Variants in FHIT observed in about 807,000 individuals in gnomAD.
FHIT encodes bis(5'-adenosyl)-triphosphatase.
Under a neutral mutation model 17.9 loss-of-function variants are expected in FHIT, and 19 were observed. The ratio of observed to expected loss-of-function variants is 1.06; its 90% CI spans 0.74 to 1.56. The LOEUF (loss-of-function observed/expected upper bound fraction) is 1.56, where lower values mean the gene tolerates loss of function less well. Among genes scored for constraint, FHIT ranks in the 40% most tolerant of loss-of-function variants. The pLI is 0.00. For synonymous variants in FHIT, 81 were observed against 69.7 expected (o/e 1.16, Z -0.81); for missense variants, 248 against 189.2 (o/e 1.31, Z -1.82).
intron 5 of FHIT, among the ~76,000 whole-genome samples, chr3:60,421,030 CTTTTTT>C: frequency 7.2e-6 from 1 of 138,348 alleles, no homozygotes; most frequent in South Asian, 2.3e-4. Flanking sequence ...TCTCCCACTA[CTTTTTT>C]TTTTTTTTTT....
At chr3:61,037,459 T>C (rs2033313183) in intron 3 of FHIT, among the ~76,000 whole-genome samples, 1 of 152,234 alleles carries the variant, frequency 6.6e-6, no homozygotes, top group Admixed American at 6.5e-5. Flanking sequence ...AGTGGTTTTC[T>C]TCTTCTGTTA....
chr3:59,939,776 G>A (rs1417750189), intron 7 of FHIT, among the ~76,000 whole-genome samples: 1 of 152,120 alleles, frequency 6.6e-6, no homozygotes, highest in Non-Finnish European at 1.5e-5. Context: ...TAAAATTTGG[G>A]TATCAAGTTT....
intron 8 of FHIT, among the ~76,000 whole-genome samples, chr3:59,801,074 C>G (rs372718599): frequency 3.3e-5 from 5 of 152,284 alleles, no homozygotes; most frequent in African/African-American, 1.2e-4. Context: ...AAACATGATA[C>G]AGAAATTGTA....
intron 5 of FHIT, among the ~76,000 whole-genome samples, chr3:60,453,585 C>T (rs2031890742): frequency 6.6e-6 from 1 of 152,158 alleles, no homozygotes; most frequent in African/African-American, 2.4e-5. Flanking sequence ...TCTATGCCTT[C>T]AGGTTTCACC....
intron 5 of FHIT, among the ~76,000 whole-genome samples, chr3:60,133,706 C>T (rs1041091810): frequency 2.0e-5 from 3 of 151,750 alleles, no homozygotes; most frequent in African/African-American, 7.3e-5. Flanking sequence ...CAGAGCCCTT[C>T]CAATGTTAAC....
chr3:60,417,036 C>G (rs1168583535), intron 5 of FHIT, among the ~76,000 whole-genome samples: 1 of 151,224 alleles, frequency 6.6e-6, no homozygotes, highest in African/African-American at 2.4e-5. Context: ...TTGCAGTGAG[C>G]CGAGATCGCA....
chr3:61,095,232 T>A (rs1374910703), intron 2 of FHIT, among the ~76,000 whole-genome samples: 1 of 152,202 alleles, frequency 6.6e-6, no homozygotes, highest in South Asian at 2.1e-4. Context: ...CTATACAATG[T>A]TGAAAAGTGG....
At chr3:60,199,484 C>T (rs213296) in intron 5 of FHIT, among the ~76,000 whole-genome samples, 144,239 of 152,182 alleles carry the variant, frequency 0.95, 68,407 homozygotes, top group East Asian at 1. Context: ...TGTCATTTAA[C>T]TGTGGGTCCT....
At chr3:60,359,345 A>C (rs1474489151) in intron 5 of FHIT, among the ~76,000 whole-genome samples, 1 of 124,102 alleles carries the variant, frequency 8.1e-6, no homozygotes, top group Non-Finnish European at 1.6e-5. Context: ...CAGTGGTGTG[A>C]TCTTGGCTCA....
intron 2 of FHIT, among the ~76,000 whole-genome samples, chr3:61,138,453 G>A (rs978430794): frequency 6.6e-6 from 1 of 152,184 alleles, no homozygotes; most frequent in African/African-American, 2.4e-5. Flanking sequence ...GATTACAGCT[G>A]GGCCTTTTCA....
At chr3:61,117,878 CTATAA>C (rs993462889) in intron 2 of FHIT, among the ~76,000 whole-genome samples, 21 of 152,150 alleles carry the variant, frequency 1.4e-4, no homozygotes, top group African/African-American at 4.8e-4. Context: ...TGAGAAGATA[CTATAA>C]TATATTTACC....
chr3:60,544,062 CTT>C (rs2036279947), intron 4 of FHIT, among the ~76,000 whole-genome samples: 1 of 151,296 alleles, frequency 6.6e-6, no homozygotes, highest in Non-Finnish European at 1.5e-5. Context: ...CCGGACTTCT[CTT>C]TGTTTTTATA....
rs528803970 is a variant in FHIT, at chr3:61,210,283, T to G, written c.-212-9618A>C. On this transcript the variant is annotated intron_variant, in intron 1 of 9. Coordinates refer to ENST00000492590, the MANE Select transcript of FHIT (RefSeq NM_002012.4). The stretch of plus-strand genomic sequence containing the variant: ...CCCACTTGAGGAGGCAGTCTGCCCA[T>G]TCTCAGATCTCAAGCTGCGTGCTGG... Among the ~76,000 whole-genome samples the G allele has an allele frequency of 2.3e-4, 35 of 152,292 alleles. No homozygotes were observed. In the East Asian group the frequency reaches 3.9e-3, roughly 17 times the overall value.
At chr3:60,398,380 A>G (rs1274895364) in intron 5 of FHIT, among the ~76,000 whole-genome samples, 3 of 152,168 alleles carry the variant, frequency 2.0e-5, no homozygotes, top group Non-Finnish European at 2.9e-5. Context: ...GCCAGTGTCC[A>G]TGCTCTAAGA....
intron 4 of FHIT, among the ~76,000 whole-genome samples, chr3:60,784,798 G>A (rs888139907): frequency 1.3e-4 from 20 of 152,200 alleles, no homozygotes; most frequent in African/African-American, 3.1e-4. Context: ...AGGACATGAG[G>A]GTGGAACCCT....
intron 5 of FHIT, among the ~76,000 whole-genome samples, chr3:60,044,170 C>A (rs1428932448): frequency 6.6e-6 from 1 of 152,108 alleles, no homozygotes; most frequent in African/African-American, 2.4e-5. Context: ...AAGTAAAACC[C>A]TAAAATCAGG....
intron 4 of FHIT, among the ~76,000 whole-genome samples, chr3:60,579,915 T>C (rs2037698666): frequency 6.6e-6 from 1 of 152,128 alleles, no homozygotes; most frequent in African/African-American, 2.4e-5. Context: ...CACTTCTCCA[T>C]GTATTCCCAC....
At chr3:61,099,849 A>G (rs766335962) in intron 2 of FHIT, among the ~76,000 whole-genome samples, 15 of 151,932 alleles carry the variant, frequency 9.9e-5, no homozygotes, top group Non-Finnish European at 2.1e-4. Flanking sequence ...TATTATTAAT[A>G]ATTCTTTCAA....
At chr3:60,006,524 G>C (rs1699930613) in intron 7 of FHIT, among the ~76,000 whole-genome samples, 1 of 152,012 alleles carries the variant, frequency 6.6e-6, no homozygotes, top group African/African-American at 2.4e-5. Flanking sequence ...TTTGAACTGG[G>C]GTGGACTGGT....
Sources: gnomAD v4.1 joint callset for allele counts (sites outside exome capture counted in the v4.1 genomes callset) on GRCh38, gnomAD v4.1.1 for gene constraint, MANE v1.5 for transcripts, NCBI Gene and HGNC (gene_info 2026-07-23, HGNC 2026-07-21) for gene names.